The following GABRB3 variants were observed in gnomAD, a reference collection of about 807,000 sequenced individuals.
The protein encoded by GABRB3 is gamma-aminobutyric acid type A receptor subunit beta3, also known as gamma-aminobutyric acid receptor subunit beta-3.
GABRB3 carries 14 observed loss-of-function variants against 52.1 expected under a neutral mutation model. The observed-to-expected ratio is 0.27, with a 90% CI of 0.18 to 0.42. The LOEUF is 0.42. GABRB3 is among the 10% of genes least tolerant of loss of function. GABRB3 has a pLI of 1.00. For missense variants in GABRB3, 307 were observed against 609.1 expected, an observed-to-expected ratio of 0.50 and a Z score of 5.22; for synonymous variants, 260 against 232.3, an observed-to-expected ratio of 1.12 and a Z score of -1.08.
chr15:26,767,226 A>G (rs1017220675), intron 3 of GABRB3: 4 of 152,198 alleles, frequency 2.6e-5, no homozygotes, highest in African/African-American at 9.7e-5. Context: ...CTTCCATGTA[A>G]GCAGTTTTCC....
chr15:26,760,603 C>T (rs902819897), intron 3 of GABRB3, among the ~76,000 whole-genome samples: 2 of 152,022 alleles, frequency 1.3e-5, no homozygotes, highest in African/African-American at 4.8e-5. Flanking sequence ...TTTAGTATTG[C>T]TTCAAACTTT....
At chr15:26,633,509 T>C (rs1041841240) in intron 3 of GABRB3, among the ~76,000 whole-genome samples, 1 of 152,208 alleles carries the variant, frequency 6.6e-6, no homozygotes, top group African/African-American at 2.4e-5. Flanking sequence ...TCCACCTGAA[T>C]TGACTCTCCC....
intron 3 of GABRB3, among the ~76,000 whole-genome samples, chr15:26,630,917 T>C (rs1023484227): frequency 2.6e-5 from 4 of 152,208 alleles, no homozygotes; most frequent in Non-Finnish European, 5.9e-5. Flanking sequence ...AGTGTTTTCC[T>C]ATAGAAAAAA....
At chr15:26,644,058 TTCCAGGCTGAGGGG>T (rs1893284801) in intron 3 of GABRB3, among the ~76,000 whole-genome samples, 1 of 152,100 alleles carries the variant, frequency 6.6e-6, no homozygotes, top group African/African-American at 2.4e-5. Flanking sequence ...AGGGAAGGAA[TTCCAGGCTGAGGGG>T]CCTACCAGCG....
chr15:26,586,048 G>C (rs187141775), intron 4 of GABRB3, among the ~76,000 whole-genome samples: 15 of 152,194 alleles, frequency 9.9e-5, no homozygotes, highest in Non-Finnish European at 1.5e-4. Flanking sequence ...GCCCAGGCTT[G>C]AGTGCAGTGG....
At chr15:26,740,660 C>T (rs1159978370) in intron 3 of GABRB3, among the ~76,000 whole-genome samples, 1 of 152,194 alleles carries the variant, frequency 6.6e-6, no homozygotes, top group East Asian at 1.9e-4. Flanking sequence ...CTTGGCTCTC[C>T]CTCCTTGGAA....
At chr15:26,738,764 G>A (rs1890129584) in intron 3 of GABRB3, among the ~76,000 whole-genome samples, 2 of 152,114 alleles carry the variant, frequency 1.3e-5, no homozygotes, top group South Asian at 2.1e-4. Flanking sequence ...CTTTCCAGGA[G>A]GACCAGGGCT....
chr15:26,549,021 C>T lies in GABRB3; in HGVS notation c.1081-887G>A, dbSNP rs150135745. Among the ~76,000 whole-genome samples the T allele has an allele frequency of 8.7e-3, 1,324 of 152,310 alleles. 24 individuals carry two copies. Among genetic ancestry groups the T allele is most frequent in the African/African-American group, 0.026 (1,061 of 41,560 alleles). ...GGCTTTCACTCCAGCAAGCCCCACA[C>T]TTCCCTATCTCTCTTCCCTTTCTTT... On this transcript the variant is annotated intron_variant, in intron 8 of 8. Coordinates refer to ENST00000311550, the MANE Select transcript of GABRB3 (RefSeq NM_000814.6).
At chr15:26,661,392 T>A (rs1267410017) in intron 3 of GABRB3, among the ~76,000 whole-genome samples, 2 of 152,148 alleles carry the variant, frequency 1.3e-5, no homozygotes, top group African/African-American at 4.8e-5. Context: ...AACTCTTAAG[T>A]ATCTAACACA....
In GABRB3 at chr15:26,621,198, G is replaced by T; in HGVS notation, c.461+116C>A. On this transcript the variant is annotated intron_variant, in intron 4 of 8. Coordinates refer to ENST00000311550, the MANE Select transcript of GABRB3 (RefSeq NM_000814.6). The surrounding 1 kb of genome is among the most constrained non-coding windows in gnomAD (Gnocchi z 4.1). Reference sequence around the variant, plus strand: ...TTCTGCAAAGCTTTAGTGCTTCATAGATGCTTCCTAATTTATCTGAGGTCA... The same window carrying T: ...TTCTGCAAAGCTTTAGTGCTTCATATATGCTTCCTAATTTATCTGAGGTCA... 1.1e-6 allele frequency: 1 copy of T among 892,654 alleles called. No individual in the cohort carries two copies. Among genetic ancestry groups the T allele is most frequent in the Non-Finnish European group, 1.9e-6 (1 of 532,034 alleles). 55.3% of individuals were successfully genotyped at this position (892,654 alleles called of 1,614,324 possible). A position where few individuals can be genotyped will look rare whatever the true frequency, so the allele number is the denominator to read the frequency against.
chr15:26,642,898 TG>T (rs1285745984), intron 3 of GABRB3, among the ~76,000 whole-genome samples: 1 of 152,212 alleles, frequency 6.6e-6, no homozygotes, highest in African/African-American at 2.4e-5. Flanking sequence ...GTCCACAGCT[TG>T]GGGGTTGATT....
chr15:26,607,416 T>G (rs1891877609), intron 4 of GABRB3, among the ~76,000 whole-genome samples: 2 of 152,082 alleles, frequency 1.3e-5, no homozygotes, highest in Admixed American at 6.6e-5. Flanking sequence ...CAAAAAGTCT[T>G]TTTAAGTTAG....
intron 4 of GABRB3, among the ~76,000 whole-genome samples, chr15:26,590,524 C>A (rs1891156719): frequency 6.6e-6 from 1 of 152,176 alleles, no homozygotes; most frequent in South Asian, 2.1e-4. Flanking sequence ...AAAAGGAACT[C>A]AGATGCTAGG....
chr15:26,753,237 C>T (rs1441404539), intron 3 of GABRB3, among the ~76,000 whole-genome samples: 1 of 152,104 alleles, frequency 6.6e-6, no homozygotes, highest in Non-Finnish European at 1.5e-5. Context: ...CCCTTCACGA[C>T]ACACATCAAG....
intron 3 of GABRB3, among the ~76,000 whole-genome samples, chr15:26,709,502 CTT>C (rs1167649348): frequency 1.5e-5 from 2 of 131,300 alleles, no homozygotes; most frequent in Non-Finnish European, 3.3e-5. Context: ...AACCTCTTTT[CTT>C]TTTTTTCTTT....
chr15:26,602,495 T>C (rs1413931388), intron 4 of GABRB3, among the ~76,000 whole-genome samples: 2 of 152,086 alleles, frequency 1.3e-5, no homozygotes, highest in African/African-American at 2.4e-5. Context: ...TTCTTAGGGA[T>C]AGATCATATG....
In GABRB3 at chr15:26,610,238, T is replaced by C. The variant is rs140233189; in HGVS notation, c.461+11076A>G. 4.2e-3 allele frequency among the ~76,000 whole-genome samples: 643 copies of C among 152,308 alleles called. 4 individuals are homozygous for C. The highest frequency in any genetic ancestry group is 0.015 in the African/African-American group (621 of 41,574). ...ATTAAAAGTAACAGCAAAAACTGCA[T>C]ATAAACCCCTAATTTTTGTTGGTTG... On this transcript the variant is annotated intron_variant, in intron 4 of 8. Transcript: ENST00000311550.
intron 3 of GABRB3, among the ~76,000 whole-genome samples, chr15:26,699,415 C>A (rs1350585994): frequency 6.6e-6 from 1 of 151,580 alleles, no homozygotes; most frequent in Admixed American, 6.6e-5. Context: ...CAATGTCTGG[C>A]ATCCAAACAG....
chr15:26,682,505 A>G (rs1359785369), intron 3 of GABRB3, among the ~76,000 whole-genome samples: 2 of 152,162 alleles, frequency 1.3e-5, no homozygotes, highest in African/African-American at 4.8e-5. Flanking sequence ...ACAGCCCCCG[A>G]GCTTACTTAA....
Sources: gnomAD v4.1 joint callset for allele counts (sites outside exome capture counted in the v4.1 genomes callset) on GRCh38, gnomAD v4.1.1 for gene constraint, Gnocchi (gnomAD v3.1) non-coding constraint, MANE v1.5 for transcripts, NCBI Gene and HGNC (gene_info 2026-07-23, HGNC 2026-07-21) for gene names.